The following CADM2 variants were observed in gnomAD, a reference collection of about 807,000 sequenced individuals.
CADM2 encodes the protein cell adhesion molecule 2.
A neutral mutation model predicts 49.8 loss-of-function variants in CADM2; 12 were observed. That is an observed-to-expected ratio of 0.24 (90% confidence interval 0.15 to 0.39). The LOEUF (loss-of-function observed/expected upper bound fraction) is 0.39, where lower values mean the gene tolerates loss of function less well. Ranked by LOEUF, CADM2 falls within the 10% of genes least tolerant of loss-of-function variation. CADM2 has a pLI of 1.00. For synonymous variants in CADM2, 214 were observed against 175.4 expected (o/e 1.22, Z -1.74); for missense variants, 378 against 492.3 (o/e 0.77, Z 2.20).
intron 8 of CADM2, among the ~76,000 whole-genome samples, chr3:86,003,859 T>C (rs1730465997): frequency 6.6e-6 from 1 of 152,238 alleles, no homozygotes; most frequent in Non-Finnish European, 1.5e-5. Flanking sequence ...AAGCATTTTC[T>C]GCTGATTATT....
intron 1 of CADM2, among the ~76,000 whole-genome samples, chr3:85,564,200 C>CTCTCTCTCT: frequency 7.3e-6 from 1 of 136,466 alleles, no homozygotes; most frequent in Admixed American, 7.8e-5. Flanking sequence ...TCTCTCTCTC[C>CTCTCTCTCT]ATTTTAAAAA....
chr3:85,158,094 T>C (rs1345232308), intron 1 of CADM2, among the ~76,000 whole-genome samples: 1 of 152,176 alleles, frequency 6.6e-6, no homozygotes, highest in African/African-American at 2.4e-5. Context: ...GAAAAAATGC[T>C]CACCATCACT....
chr3:85,514,586 T>C (rs2060849003), intron 1 of CADM2, among the ~76,000 whole-genome samples: 1 of 152,132 alleles, frequency 6.6e-6, no homozygotes, highest in Admixed American at 6.5e-5. Context: ...GATATGCATC[T>C]GATTCCCCTT....
chr3:85,426,287 G>A (rs1358059524), intron 1 of CADM2, among the ~76,000 whole-genome samples: 1 of 151,786 alleles, frequency 6.6e-6, no homozygotes, highest in Non-Finnish European at 1.5e-5. Flanking sequence ...GAACACAGAT[G>A]TGCACCATCA....
intron 1 of CADM2, among the ~76,000 whole-genome samples, chr3:85,451,211 A>T (rs2037732908): frequency 6.6e-6 from 1 of 152,106 alleles, no homozygotes; most frequent in South Asian, 2.1e-4. Flanking sequence ...TAAATATGGG[A>T]TAATTAAAAG....
intron 1 of CADM2, among the ~76,000 whole-genome samples, chr3:85,091,568 CT>C (rs1249686698): frequency 6.6e-6 from 1 of 151,986 alleles, no homozygotes; most frequent in Non-Finnish European, 1.5e-5. Context: ...AAAATATCAA[CT>C]CTAAATTGCT....
chr3:85,554,237 G>A (rs1207258269), intron 1 of CADM2, among the ~76,000 whole-genome samples: 1 of 152,152 alleles, frequency 6.6e-6, no homozygotes, highest in African/African-American at 2.4e-5. Flanking sequence ...CAGCCTAGGT[G>A]CCTTGCATAT....
chr3:85,116,347 A>G (rs982583654), intron 1 of CADM2, among the ~76,000 whole-genome samples: 1 of 152,100 alleles, frequency 6.6e-6, no homozygotes, highest in Non-Finnish European at 1.5e-5. Context: ...CAAACAACAA[A>G]CCAAAAACAA....
At chr3:85,804,433 T>C (rs192201958) in intron 3 of CADM2, among the ~76,000 whole-genome samples, 1 of 152,286 alleles carries the variant, frequency 6.6e-6, no homozygotes, top group Admixed American at 6.5e-5. Context: ...CAACAACAAA[T>C]TTGTCCCAAG....
At chr3:85,828,456 TAC>T (rs1446467389) in intron 3 of CADM2, among the ~76,000 whole-genome samples, 2 of 151,964 alleles carry the variant, frequency 1.3e-5, no homozygotes, top group Non-Finnish European at 2.9e-5. Flanking sequence ...TCATAGATTA[TAC>T]AGTTATAATT....
chr3:86,011,728 A>C (rs1455005982), intron 8 of CADM2, among the ~76,000 whole-genome samples: 1 of 152,138 alleles, frequency 6.6e-6, no homozygotes, highest in African/African-American at 2.4e-5. Flanking sequence ...TATAATTGAA[A>C]ATGAGACTGT....
chr3:85,429,869 A>G (rs2036586086), intron 1 of CADM2, among the ~76,000 whole-genome samples: 1 of 152,174 alleles, frequency 6.6e-6, no homozygotes, highest in Admixed American at 6.5e-5. Flanking sequence ...AAGCATTAGT[A>G]TTTCTGAGAA....
chr3:85,612,517 G>A (rs569390258), intron 1 of CADM2, among the ~76,000 whole-genome samples: 25 of 151,832 alleles, frequency 1.6e-4, no homozygotes, highest in Non-Finnish European at 2.4e-4. Flanking sequence ...ATATTTGCAC[G>A]TTTGGAATCA....
At chr3:86,013,140 C>A in intron 8 of CADM2, 1 of 1,338,048 alleles carries the variant, frequency 7.5e-7, no homozygotes, top group Non-Finnish European at 1.1e-6. Context: ...CGTAAGTAGA[C>A]ACAGAAAACG....
chr3:85,474,563 A>G (rs2038901868), intron 1 of CADM2, among the ~76,000 whole-genome samples: 1 of 151,984 alleles, frequency 6.6e-6, no homozygotes, highest in Admixed American at 6.6e-5. Context: ...ACAATTAAGC[A>G]TATCATTACC....
intron 7 of CADM2, among the ~76,000 whole-genome samples, chr3:85,959,590 T>A (rs900004048): frequency 1.3e-5 from 2 of 151,852 alleles, no homozygotes; most frequent in Non-Finnish European, 2.9e-5. Context: ...GAGTCTACTA[T>A]CACTCAGGAA....
chr3:85,191,945 T>TTGTGTGTGTGTGTGTG (rs3085115), intron 1 of CADM2, among the ~76,000 whole-genome samples: 2,652 of 149,074 alleles, frequency 0.018, 35 homozygotes, highest in Middle Eastern at 0.045. Context: ...GATGAAACAG[T>TTGTGTGTGTGTGTGTG]TGTGTGTGTG....
At position 85,048,548 on chromosome 3, in the gene CADM2, G is replaced by T. The variant is rs1189664891; in HGVS notation, c.61+88880G>T. 2.0e-5 allele frequency among the ~76,000 whole-genome samples: 3 copies of T among 152,122 alleles called. No individual in the cohort carries two copies. In the East Asian group the frequency reaches 5.8e-4, roughly 29 times the overall value. ...TTCAGGAGAAGTCAGTTTGATTGTT[G>T]CAATAATCAAGCCTAGGTACCCTTA... On this transcript the variant is annotated intron_variant, in intron 1 of 9. Transcript: ENST00000383699.
intron 1 of CADM2, among the ~76,000 whole-genome samples, chr3:85,013,142 TAA>T (rs56736286): frequency 0.33 from 48,090 of 143,888 alleles, 8,365 homozygotes; most frequent in Admixed American, 0.41. Context: ...CACTGGAAAT[TAA>T]AAAAAAAAAA....
Sources: gnomAD v4.1 joint callset for allele counts (sites outside exome capture counted in the v4.1 genomes callset) on GRCh38, gnomAD v4.1.1 for gene constraint, MANE v1.5 for transcripts, NCBI Gene and HGNC (gene_info 2026-07-23, HGNC 2026-07-21) for gene names.